PGAP2: variants seen among roughly 807,000 people sequenced by gnomAD.
PGAP2 encodes acyltransferase PGAP2.
In PGAP2, 21 loss-of-function variants were observed where a neutral mutation model predicts 33.2. The observed-to-expected ratio is 0.63, with a 90% confidence interval of 0.45 to 0.91. The LOEUF (loss-of-function observed/expected upper bound fraction) is 0.91. PGAP2 is among the 40% of genes least tolerant of loss of function. The probability of loss-of-function intolerance (pLI) is 0.00; values close to 1 mark genes in which losing one functional copy is unlikely to be tolerated. For synonymous variants in PGAP2, 161 were observed against 172.9 expected, an observed-to-expected ratio of 0.93 and a Z score of 0.54; for missense variants, 345 against 424.0, an observed-to-expected ratio of 0.81 and a Z score of 1.64.
At chr11:3,807,265 G>A (rs1350315401), upstream of PGAP2, among the ~76,000 whole-genome samples, 1 of 149,282 alleles carries the variant, frequency 6.7e-6, no homozygotes, top group African/African-American at 2.5e-5. Flanking sequence ...TTGAACCCTG[G>A]AAGCGGAGGT....
chr11:3,813,900 A>G (rs2086162660), intron 2 of PGAP2, among the ~76,000 whole-genome samples: 1 of 152,142 alleles, frequency 6.6e-6, no homozygotes, highest in Admixed American at 6.6e-5. Context: ...TACCTTGCAT[A>G]CCTATTACCT....
chr11:3,800,611 A>C (rs2083296378), intron 1 of PGAP2, among the ~76,000 whole-genome samples: 1 of 151,900 alleles, frequency 6.6e-6, no homozygotes. Flanking sequence ...GGAGATCGAG[A>C]CCAGCCTGGC....
intron 3 of PGAP2, among the ~76,000 whole-genome samples, chr11:3,818,677 G>A (rs746426210): frequency 7.9e-5 from 12 of 152,214 alleles, no homozygotes; most frequent in Non-Finnish European, 1.6e-4. Flanking sequence ...AGTCCACTAG[G>A]CCTTTCCTGG....
Position 3,817,416 on chromosome 11 carries a change from C to T in PGAP2, c.229C>T (p.Arg77Trp), listed in dbSNP as rs571124792. Reference protein sequence around the residue: ...QPLDPDGTLFRLRFTAMVWWA... With the variant: ...QPLDPDGTLFWLRFTAMVWWA... ...TTTGGACCCCGATGGGACCTTGTTC[C>T]GGCTTCGCTTCACAGCCATGGTCTG... The change falls in exon 3 of 7, where the codon CGG (arginine) becomes TGG (tryptophan). Residue 77 changes from arginine (R) to tryptophan (W), a missense_variant. Transcript: ENST00000278243. 82 of 1,614,036 alleles carry T rather than the reference C, an allele frequency of 5.1e-5. No individual in the cohort carries two copies. Among genetic ancestry groups the T allele is most frequent in the East Asian group, 8.9e-5 (4 of 44,882 alleles).
At chr11:3,821,561 C>T (rs1329194523) in intron 3 of PGAP2, among the ~76,000 whole-genome samples, 3 of 151,986 alleles carry the variant, frequency 2.0e-5, no homozygotes, top group Admixed American at 6.5e-5. Context: ...AGTTCTGAGA[C>T]GAGCCTGCCC....
intron 2 of PGAP2, among the ~76,000 whole-genome samples, chr11:3,814,587 T>C (rs1019910910): frequency 6.6e-6 from 1 of 151,902 alleles, no homozygotes; most frequent in South Asian, 2.1e-4. Flanking sequence ...TTCTTTTTTT[T>C]CTTTTAACAG....
At position 3,811,246 on chromosome 11, in the gene PGAP2, C is replaced by T; in HGVS notation, c.-10-4C>T. 1.9e-6 allele frequency: 3 copies of T among 1,609,446 alleles called. No homozygotes were observed. Among genetic ancestry groups the T allele is most frequent in the Non-Finnish European group, 2.5e-6 (3 of 1,177,414 alleles). ...GCCCTGACAGCATGCCACTCCATCC[C>T]CAGGTCTGACAAGATGTACCAGGTC... On this transcript the variant is annotated splice_polypyrimidine_tract_variant and splice_region_variant and intron_variant, in intron 1 of 6. Coordinates refer to ENST00000278243, the MANE Select transcript of PGAP2 (RefSeq NM_014489.4). This position sits in a 1 kb window ranked among gnomAD's most constrained non-coding sequence, Gnocchi z 4.6.
At chr11:3,808,074 C>G (rs1202092149), upstream of PGAP2, 11 of 1,430,256 alleles carry the variant, frequency 7.7e-6, no homozygotes, top group Middle Eastern at 2.6e-4. Flanking sequence ...CACCGGGTCT[C>G]ACTGCCTGCA....
chr11:3,799,777 C>T (rs375644267), intron 1 of PGAP2, among the ~76,000 whole-genome samples: 11 of 152,042 alleles, frequency 7.2e-5, no homozygotes, highest in East Asian at 3.9e-4. Context: ...GAGACCAGCT[C>T]GGGCAACATA....
At chr11:3,823,671 C>T (rs1373319380) in intron 3 of PGAP2, 1 of 1,559,296 alleles carries the variant, frequency 6.4e-7, no homozygotes, top group Non-Finnish European at 8.6e-7. Flanking sequence ...GCACAAATCC[C>T]AGGATAGCTG....
chr11:3,805,731 G>A (rs1160817145), upstream of PGAP2, among the ~76,000 whole-genome samples: 1 of 151,448 alleles, frequency 6.6e-6, no homozygotes, highest in Admixed American at 6.6e-5. Context: ...TCTGTCTTCA[G>A]GCTGGAGTGC....
chr11:3,807,499 G>T (rs1316097194), upstream of PGAP2, among the ~76,000 whole-genome samples: 20 of 151,426 alleles, frequency 1.3e-4, 1 homozygote, highest in Admixed American at 1.2e-3. Context: ...GTAGAGACGG[G>T]GTTTCGCCAT....
At chr11:3,797,992 C>G in intron 1 of PGAP2, 1 of 1,540,070 alleles carries the variant, frequency 6.5e-7, no homozygotes, top group South Asian at 1.2e-5. Context: ...GGTAACTATT[C>G]GACCCTTTCC....
At chr11:3,799,953 C>G (rs7102148) in intron 1 of PGAP2, among the ~76,000 whole-genome samples, 114,784 of 151,984 alleles carry the variant, frequency 0.76, 43,822 homozygotes, top group East Asian at 0.97. Flanking sequence ...GGGCAACAGA[C>G]GGAGCCTCCG....
At chr11:3,799,028 G>C (rs570142199) in intron 1 of PGAP2, among the ~76,000 whole-genome samples, 1 of 152,348 alleles carries the variant, frequency 6.6e-6, no homozygotes, top group Non-Finnish European at 1.5e-5. Context: ...ACAGCGAGTT[G>C]AGCTAATGCT....
At chr11:3,824,159 G>T (rs1439324420) in intron 4 of PGAP2, 24 bp downstream of exon 4, 24 of 1,613,556 alleles carry the variant, frequency 1.5e-5, no homozygotes, top group Non-Finnish European at 2.0e-5. Context: ...TGAGGGAGGA[G>T]TGGGGAAGTG....
chr11:3,811,491 C>A lies in PGAP2; in HGVS notation c.165+67C>A. 1.4e-6 allele frequency: 2 copies of A among 1,455,078 alleles called. No homozygotes were observed. The highest frequency in any genetic ancestry group is 1.9e-6 in the Non-Finnish European group (2 of 1,063,388). 90.1% of individuals were successfully genotyped at this position (1,455,078 alleles called of 1,614,324 possible). ...TGGATCTTCTTTAGATCTTGAATAT[C>A]TTTTAACAAGATTAGCCAGCTCTCC... is the stretch of plus-strand genomic sequence containing the variant. On this transcript the variant is annotated intron_variant, in intron 2 of 6. Transcript: ENST00000278243. This position sits in a 1 kb window ranked among gnomAD's most constrained non-coding sequence, Gnocchi z 4.6.
intron 1 of PGAP2, among the ~76,000 whole-genome samples, chr11:3,799,830 G>A (rs553213287): frequency 2.6e-5 from 4 of 152,232 alleles, no homozygotes; most frequent in South Asian, 2.1e-4. Flanking sequence ...GGCCAGGTGT[G>A]GTGGCAAGCG....
chr11:3,824,235 C>T lies in PGAP2; in HGVS notation c.602-35C>T, dbSNP rs768515391. 1.8e-5 allele frequency: 29 copies of T among 1,613,410 alleles called. 2 individuals are homozygous for T. Among genetic ancestry groups the T allele is most frequent in the South Asian group, 1.6e-4 (15 of 91,060 alleles). On this transcript the variant is annotated intron_variant, in intron 4 of 6. Coordinates refer to ENST00000278243, the MANE Select transcript of PGAP2 (RefSeq NM_014489.4). Reference sequence around the variant, plus strand: ...TTCCTACTTCGTGGTGTGGGCACTCCCTGCAATGTGGCTCCCAATCCTCTT... The same window carrying T: ...TTCCTACTTCGTGGTGTGGGCACTCTCTGCAATGTGGCTCCCAATCCTCTT...
Sources: allele counts gnomAD v4.1 joint callset (sites outside exome capture counted in the v4.1 genomes callset), GRCh38; gene constraint gnomAD v4.1.1; non-coding constraint Gnocchi (gnomAD v3.1); transcripts MANE v1.5; gene names NCBI Gene and HGNC (gene_info 2026-07-23, HGNC 2026-07-21).